Variants in ZNF233 observed in about 807,000 individuals in gnomAD.
The protein encoded by ZNF233 is zinc finger protein 233.
Under a neutral mutation model 11.6 loss-of-function variants are expected in ZNF233, and 7 were observed. That is an observed-to-expected ratio of 0.60 (90% confidence interval 0.34 to 1.13). ZNF233 has a LOEUF of 1.13. ZNF233 is among the 50% of genes most tolerant of loss of function. ZNF233 has a pLI of 0.03. For synonymous variants in ZNF233, 226 were observed against 268.5 expected (o/e 0.84, Z 1.55); for missense variants, 711 against 785.5 (o/e 0.91, Z 1.13).
intron 1 of ZNF233, among the ~76,000 whole-genome samples, chr19:44,262,014 C>T (rs375995330): frequency 7.9e-5 from 12 of 152,208 alleles, no homozygotes; most frequent in African/African-American, 2.4e-4. Context: ...AAATTAAAAA[C>T]GCAGAAGAAA....
At chr19:44,262,556 A>T (rs1008757662) in intron 1 of ZNF233, among the ~76,000 whole-genome samples, 1 of 152,230 alleles carries the variant, frequency 6.6e-6, no homozygotes, top group African/African-American at 2.4e-5. Flanking sequence ...ATATAGGACC[A>T]GAACAAAGGG....
At chr19:44,266,988 T>G (rs1975106303) in intron 4 of ZNF233, 27 bp downstream of exon 4, 1 of 1,581,686 alleles carries the variant, frequency 6.3e-7, no homozygotes, top group Non-Finnish European at 8.7e-7. Context: ...TCTGAGTCTT[T>G]GCGGGGTACA....
rs773148336 is a variant in ZNF233 at position 44,274,431 on chromosome 19, C to T, written c.1771C>T (p.Pro591Ser). The change falls in exon 5 of 5, where the codon CCA (proline) becomes TCA (serine). Residue 591 changes from proline to serine, a missense_variant. By Grantham distance (74) the Pro-to-Ser change is moderately conservative (BLOSUM62 -1). Coordinates refer to ENST00000683810, the MANE Select transcript of ZNF233 (RefSeq NM_001207005.2). ...TCAGAGAGTCCACACAGGAGAGAAA[C>T]CATACAAATGTGAAGAATGTAGGAA... ...AHQRVHTGEK[P>S]YKCEECRKGF... The T allele has an allele frequency of 6.2e-7, 1 of 1,614,132 alleles. No homozygotes were observed. Among genetic ancestry groups the T allele is most frequent in the Non-Finnish European group, 8.5e-7 (1 of 1,180,024 alleles).
chr19:44,265,672 G>A (rs571854178), intron 2 of ZNF233, among the ~76,000 whole-genome samples: 2 of 152,162 alleles, frequency 1.3e-5, no homozygotes, highest in East Asian at 3.9e-4. Flanking sequence ...CACCCACCTC[G>A]GCCTCCCAAA....
At chr19:44,265,255 C>A (rs961103982) in intron 2 of ZNF233, among the ~76,000 whole-genome samples, 1 of 151,980 alleles carries the variant, frequency 6.6e-6, no homozygotes, top group Admixed American at 6.6e-5. Context: ...TTTGGTTTTC[C>A]ATTCCTGAGT....
chr19:44,264,390 G>T lies in ZNF233; in HGVS notation c.15+15G>T. On this transcript the variant is annotated intron_variant, in intron 2 of 4. Coordinates refer to ENST00000683810, the MANE Select transcript of ZNF233 (RefSeq NM_001207005.2). ...CCAAGTTTCAGGTGAGTTGAGTTTT[G>T]ATTTTTATCTCTTAAAATGACATCT... 1.2e-6 allele frequency: 2 copies of T among 1,609,394 alleles called. No individual in the cohort carries two copies. The highest frequency in any genetic ancestry group is 2.2e-5 in the South Asian group (2 of 90,128).
At chr19:44,261,878 G>A (rs781482412) in intron 1 of ZNF233, among the ~76,000 whole-genome samples, 1 of 151,940 alleles carries the variant, frequency 6.6e-6, no homozygotes, top group Admixed American at 6.6e-5. Flanking sequence ...TCTCGAACTC[G>A]TGACCTCAAG....
Position 44,274,249 on chromosome 19 carries a change from A to G in ZNF233, c.1589A>G (p.His530Arg), listed in dbSNP as rs115160794. 567 of 1,609,936 alleles carry G rather than the reference A, an allele frequency of 3.5e-4. 2 individuals are homozygous for G. The African/African-American group carries it at 6.8e-3, about 19-fold the overall frequency. The change falls in exon 5 of 5, where the codon CAC becomes CGC. Residue 530 changes from histidine (H) to arginine (R), a missense_variant. By Grantham distance (29) the His-to-Arg change is conservative (BLOSUM62 0). Coordinates refer to ENST00000683810, the MANE Select transcript of ZNF233 (RefSeq NM_001207005.2). ...CATCTTCAGGCCCATCAGAGAGTTC[A>G]CAAAGGAGAGAAGCCATACAAATGT... ...ISHLQAHQRV[H>R]KGEKPYKCET...
chr19:44,267,556 T>TA (rs1975125610), intron 4 of ZNF233: 1 of 395,500 alleles, frequency 2.5e-6, no homozygotes, highest in Non-Finnish European at 4.4e-6. Flanking sequence ...ATGTTTTTTT[T>TA]TTTTTGGTAG....
At chr19:44,264,529 TTA>T (rs1426456725) in intron 2 of ZNF233, among the ~76,000 whole-genome samples, 154 bp downstream of exon 2, 3 of 152,224 alleles carry the variant, frequency 2.0e-5, no homozygotes, top group Non-Finnish European at 2.9e-5. Flanking sequence ...AATTTTTTGT[TTA>T]TGTCTTTAGC....
At chr19:44,261,818 A>G (rs1277548804) in intron 1 of ZNF233, among the ~76,000 whole-genome samples, 1 of 151,680 alleles carries the variant, frequency 6.6e-6, no homozygotes, top group Non-Finnish European at 1.5e-5. Context: ...TGCCTGGCTA[A>G]TTTTTGTATT....
chr19:44,272,991 C>T lies in ZNF233; in HGVS notation c.331C>T (p.Gln111Ter). The change falls in exon 5 of 5, where the codon CAA becomes TAA. Residue 111 changes from glutamine to a stop codon, truncating the protein, a stop_gained. Transcript: ENST00000683810. LOFTEE classifies it low-confidence loss of function (END_TRUNC). ...EDLICWQIWE[Q>*]FTSKLTSNQD... ...CCTTATATGCTGGCAAATATGGGAA[C>T]AATTTACAAGTAAATTAACCAGTAA... 1.9e-6 allele frequency: 3 copies of T among 1,613,300 alleles called. No individual in the cohort carries two copies. Among genetic ancestry groups the T allele is most frequent in the Non-Finnish European group, 2.5e-6 (3 of 1,179,574 alleles).
chr19:44,264,451 C>A, intron 2 of ZNF233, 76 bp downstream of exon 2: 1 of 1,418,866 alleles, frequency 7.0e-7, no homozygotes, highest in Non-Finnish European at 9.7e-7. Flanking sequence ...TTTTTCTCTT[C>A]CTTGGGAAAG....
chr19:44,261,343 G>A (rs184390980), intron 1 of ZNF233, among the ~76,000 whole-genome samples: 184 of 152,056 alleles, frequency 1.2e-3, no homozygotes, highest in African/African-American at 4.0e-3. Flanking sequence ...CAGGAGGATC[G>A]CTTGAGCCCA....
At chr19:44,266,831 A>G in intron 3 of ZNF233, 35 bp from the exon 4 acceptor site, 1 of 1,533,918 alleles carries the variant, frequency 6.5e-7, no homozygotes, top group Non-Finnish European at 9.0e-7. Flanking sequence ...ACTATAATGC[A>G]TTCACTTTAT....
intron 4 of ZNF233, among the ~76,000 whole-genome samples, chr19:44,271,967 G>T (rs1975248045): frequency 6.6e-6 from 1 of 151,692 alleles, no homozygotes; most frequent in Non-Finnish European, 1.5e-5. Flanking sequence ...GCTCACACCT[G>T]TAATCCCAGC....
intron 4 of ZNF233, among the ~76,000 whole-genome samples, chr19:44,268,852 C>T (rs963790060): frequency 7.2e-5 from 11 of 152,108 alleles, no homozygotes; most frequent in Admixed American, 5.9e-4. Flanking sequence ...GAATATACAT[C>T]ATAAATACCT....
chr19:44,260,162 T>C (rs2123030398), intron 1 of ZNF233: 1 of 239,564 alleles, frequency 4.2e-6, no homozygotes, highest in African/African-American at 2.3e-5. Context: ...TTCCCTCGCC[T>C]TCCCCACCTT....
At chr19:44,268,186 T>TA (rs1568634778) in intron 4 of ZNF233, 3 of 140,844 alleles carry the variant, frequency 2.1e-5, no homozygotes, top group African/African-American at 9.5e-5. Context: ...ATACATACAT[T>TA]TAATTAAATT....
Sources: allele counts gnomAD v4.1 joint callset (sites outside exome capture counted in the v4.1 genomes callset), GRCh38; gene constraint gnomAD v4.1.1; transcripts MANE v1.5; gene names NCBI Gene and HGNC (gene_info 2026-07-23, HGNC 2026-07-21).